The following UBE2D2 variants were observed in gnomAD, a reference collection of about 807,000 sequenced individuals.
UBE2D2 encodes the protein ubiquitin-conjugating enzyme E2 D2.
UBE2D2 carries 2 observed loss-of-function variants against 24.2 expected under a neutral mutation model. That is an observed-to-expected ratio of 0.08 (90% CI 0.03 to 0.26). UBE2D2 has a LOEUF of 0.26. Among genes scored for constraint, UBE2D2 ranks in the 10% least tolerant of loss-of-function variants. The pLI is 1.00. For missense variants in UBE2D2, 44 were observed against 177.6 expected (o/e 0.25, Z 4.28); for synonymous variants, 58 against 56.5 (o/e 1.03, Z -0.12).
Position 139,561,706 on chromosome 5 carries a change from A to C in UBE2D2, c.-86A>C. 9.2e-7 allele frequency: 1 copy of C among 1,087,924 alleles called. No individual in the cohort carries two copies. Among genetic ancestry groups the C allele is most frequent in the Non-Finnish European group, 1.3e-6 (1 of 794,414 alleles). The allele number at this position is 1,087,924 out of a possible 1,614,324, so 67.4% of individuals were successfully genotyped here. A position where few individuals can be genotyped will look rare whatever the true frequency, so the allele number is the denominator to read the frequency against. ...CTTCTCCTGCCGACCGAGATCGCCG[A>C]GGCGGCCTCAGGCTCCCTAGCCCCT... On this transcript the variant is annotated 5_prime_UTR_variant, in exon 1 of 7. Coordinates refer to ENST00000398733, the MANE Select transcript of UBE2D2 (RefSeq NM_003339.3).
chr5:139,606,164 G>A (rs1363879637), intron 2 of UBE2D2, among the ~76,000 whole-genome samples: 3 of 151,534 alleles, frequency 2.0e-5, no homozygotes, highest in Non-Finnish European at 2.9e-5. Flanking sequence ...TGTTTTGTTT[G>A]TTTGTTTGTT....
chr5:139,545,125 T>C (rs1263372130), intron 1 of UBE2D2, among the ~76,000 whole-genome samples: 1 of 152,174 alleles, frequency 6.6e-6, no homozygotes, highest in Admixed American at 6.6e-5. Context: ...CATAGGGACA[T>C]ACAGATCTAA....
At chr5:139,576,202 G>A (rs1014107111) in intron 1 of UBE2D2, among the ~76,000 whole-genome samples, 4 of 152,084 alleles carry the variant, frequency 2.6e-5, no homozygotes, top group Admixed American at 2.0e-4. Context: ...ACCACAAACC[G>A]GGTGGCTTAA....
At chr5:139,563,759 C>T (rs963122260) in intron 1 of UBE2D2, among the ~76,000 whole-genome samples, 5 of 152,118 alleles carry the variant, frequency 3.3e-5, no homozygotes, top group East Asian at 1.9e-4. Flanking sequence ...GGTGAAACCC[C>T]GTCTCTGCTA....
intron 1 of UBE2D2, among the ~76,000 whole-genome samples, chr5:139,571,723 A>G (rs1753355296): frequency 1.3e-5 from 2 of 151,208 alleles, no homozygotes; most frequent in Non-Finnish European, 1.5e-5. Context: ...TTTGCTTTCC[A>G]TCCTTTTCTC....
intron 2 of UBE2D2, among the ~76,000 whole-genome samples, chr5:139,602,807 T>C (rs1223174515): frequency 2.0e-5 from 3 of 152,222 alleles, no homozygotes; most frequent in Non-Finnish European, 2.9e-5. Context: ...TTATAAATTA[T>C]GAGTCTAAGT....
intron 2 of UBE2D2, among the ~76,000 whole-genome samples, chr5:139,610,786 G>C (rs1754301985): frequency 6.6e-6 from 1 of 152,032 alleles, no homozygotes; most frequent in Non-Finnish European, 1.5e-5. Flanking sequence ...AAGCCTGGGA[G>C]GTGGAGGTTG....
chr5:139,606,045 C>CT (rs1754192992), intron 2 of UBE2D2, among the ~76,000 whole-genome samples: 1 of 152,100 alleles, frequency 6.6e-6, no homozygotes. Context: ...ACCCAGCTTT[C>CT]TTTTCTTTTG....
intron 2 of UBE2D2, among the ~76,000 whole-genome samples, chr5:139,609,742 A>C (rs1423028655): frequency 2.0e-5 from 3 of 148,486 alleles, no homozygotes; most frequent in African/African-American, 2.5e-5. Context: ...TTCTTTTTTA[A>C]GTTGTTTTCT....
chr5:139,529,725 C>T (rs1013156108), intron 1 of UBE2D2, among the ~76,000 whole-genome samples: 2 of 152,144 alleles, frequency 1.3e-5, no homozygotes, highest in African/African-American at 2.4e-5. Flanking sequence ...GGTTCAAAAA[C>T]GCTCTCCAGA....
At chr5:139,601,312 T>C (rs1374744694) in intron 2 of UBE2D2, among the ~76,000 whole-genome samples, 2 of 152,150 alleles carry the variant, frequency 1.3e-5, no homozygotes, top group African/African-American at 2.4e-5. Flanking sequence ...CACAAAAAAC[T>C]GTAACATTTG....
chr5:139,576,291 T>A (rs769717036), intron 1 of UBE2D2, among the ~76,000 whole-genome samples: 2 of 152,158 alleles, frequency 1.3e-5, no homozygotes, highest in Non-Finnish European at 2.9e-5. Context: ...ATACTCTGGA[T>A]GTTCTAGGGG....
At chr5:139,560,389 G>GGTTT (rs1033797938), upstream of UBE2D2, among the ~76,000 whole-genome samples, 1 of 152,088 alleles carries the variant, frequency 6.6e-6, no homozygotes, top group African/African-American at 2.4e-5. Context: ...GTACAGAAGG[G>GGTTT]GTTTCACTGT....
intron 5 of UBE2D2, among the ~76,000 whole-genome samples, chr5:139,620,014 A>G (rs915789099): frequency 8.5e-5 from 13 of 152,170 alleles, no homozygotes; most frequent in Non-Finnish European, 4.4e-5. Context: ...CAGGACCAAG[A>G]GAGAGATGGG....
At chr5:139,601,753 G>GA (rs1754083058) in intron 2 of UBE2D2, among the ~76,000 whole-genome samples, 1 of 151,756 alleles carries the variant, frequency 6.6e-6, no homozygotes, top group Non-Finnish European at 1.5e-5. Flanking sequence ...ACTAAAAATA[G>GA]AAAAAAATTT....
intron 2 of UBE2D2, 36 bp from the exon 3 acceptor site, chr5:139,614,550 T>C (rs1275239940): frequency 1.9e-6 from 3 of 1,611,010 alleles, no homozygotes; most frequent in African/African-American, 1.3e-5. Flanking sequence ...AATGTAGATA[T>C]TGTTACATGG....
Position 139,526,800 on chromosome 5 carries a change from A to T in UBE2D2, c.-64+188A>T, listed in dbSNP as rs1326860827. 1.3e-5 allele frequency among the ~76,000 whole-genome samples: 2 copies of T among 151,912 alleles called. 1 individual carries two copies. The highest frequency in any genetic ancestry group is 4.8e-5 in the African/African-American group (2 of 41,320). ...GCCTGATCACCCACGGTGTGCCTGC[A>T]TTGGCACTTTTGTTCTGGTTTTGAC... On this transcript the variant is annotated intron_variant, in intron 1 of 6. Coordinates refer to the UBE2D2 transcript ENST00000511725.
At chr5:139,552,802 C>T (rs944708196) in intron 1 of UBE2D2, among the ~76,000 whole-genome samples, 1 of 151,774 alleles carries the variant, frequency 6.6e-6, no homozygotes, top group Admixed American at 6.6e-5. Flanking sequence ...CCTTCCTCAG[C>T]CTCCCAAGTA....
chr5:139,584,150 T>C (rs1039539691), intron 1 of UBE2D2, among the ~76,000 whole-genome samples: 1 of 152,160 alleles, frequency 6.6e-6, no homozygotes, highest in Non-Finnish European at 1.5e-5. Context: ...TATAGAGGTG[T>C]GCCATTTTTT....
Sources: gnomAD v4.1 joint callset for allele counts (sites outside exome capture counted in the v4.1 genomes callset) on GRCh38, gnomAD v4.1.1 for gene constraint, MANE v1.5 for transcripts, NCBI Gene and HGNC (gene_info 2026-07-23, HGNC 2026-07-21) for gene names.